Variants in IMMT observed in about 807,000 individuals in gnomAD.
IMMT encodes MICOS complex subunit MIC60.
In IMMT, 40 loss-of-function variants were observed where a neutral mutation model predicts 92.7. That is an observed-to-expected ratio of 0.43 (90% CI 0.34 to 0.56). The LOEUF is 0.56. IMMT is among the 20% of genes least tolerant of loss of function. The pLI is 0.03. For synonymous variants in IMMT, 322 were observed against 336.1 expected (o/e 0.96, Z 0.46); for missense variants, 831 against 912.1 (o/e 0.91, Z 1.14).
chr2:86,145,821 C>T (rs564388382), intron 14 of IMMT, among the ~76,000 whole-genome samples: 15 of 152,028 alleles, frequency 9.9e-5, no homozygotes, highest in East Asian at 1.9e-4. Flanking sequence ...CAGGCACATG[C>T]GACATAGCCA....
At chr2:86,186,831 A>G (rs981793725) in intron 1 of IMMT, among the ~76,000 whole-genome samples, 3 of 152,214 alleles carry the variant, frequency 2.0e-5, no homozygotes, top group African/African-American at 7.2e-5. Context: ...TGTAACTCAT[A>G]AGAACAGATC....
intron 8 of IMMT, among the ~76,000 whole-genome samples, chr2:86,161,067 C>T (rs187504872): frequency 9.0e-5 from 13 of 144,988 alleles, no homozygotes; most frequent in African/African-American, 3.1e-4. Context: ...CCCTGCACTA[C>T]GGCATGGGCA....
At chr2:86,179,926 C>CA (rs1672305364) in intron 2 of IMMT, among the ~76,000 whole-genome samples, 2 of 95,660 alleles carry the variant, frequency 2.1e-5, no homozygotes, top group African/African-American at 4.6e-5. Context: ...CCACACCCTG[C>CA]CAAAAAAATT....
chr2:86,171,346 CTATAAA>C lies in IMMT; in HGVS notation c.422-7_422-2del. ...ATAATTTGAGCCGCTTCTGTAGGTG[CTATAAA>C]TATATGTTACTCATGGTATTTATAC... On this transcript the variant is annotated splice_acceptor_variant and splice_polypyrimidine_tract_variant and intron_variant, in intron 4 of 14. Coordinates refer to ENST00000410111, the MANE Select transcript of IMMT (RefSeq NM_006839.3). LOFTEE classifies it high-confidence loss of function. The C allele has an allele frequency of 1.2e-6, 2 of 1,609,488 alleles. No individual in the cohort carries two copies. Among genetic ancestry groups the C allele is most frequent in the Non-Finnish European group, 1.7e-6 (2 of 1,177,510 alleles).
rs771337004 is a variant in IMMT at position 86,144,225 on chromosome 2, T to G, written c.*43A>C. 6.2e-7 allele frequency: 1 copy of G among 1,604,164 alleles called. No individual in the cohort carries two copies. The highest frequency in any genetic ancestry group is 1.1e-5 in the South Asian group (1 of 90,044). ...AACCCTTCATCTATCACTGCTGATT[T>G]CCTTTGACATGAAATATGACTTTAT... On this transcript the variant is annotated 3_prime_UTR_variant, in exon 15 of 15. Coordinates refer to ENST00000410111, the MANE Select transcript of IMMT (RefSeq NM_006839.3).
intron 10 of IMMT, among the ~76,000 whole-genome samples, chr2:86,157,592 C>G (rs911809859): frequency 1.3e-5 from 2 of 151,968 alleles, no homozygotes; most frequent in Admixed American, 1.3e-4. Flanking sequence ...TCAAAACCAG[C>G]CTGGCCAAAA....
intron 12 of IMMT, 61 bp downstream of exon 12, chr2:86,151,236 C>T: frequency 7.2e-7 from 1 of 1,381,152 alleles, no homozygotes; most frequent in South Asian, 1.2e-5. Context: ...ATTATTTCTA[C>T]AAGTAAACAA....
At chr2:86,168,724 A>G (rs917376171) in intron 6 of IMMT, among the ~76,000 whole-genome samples, 1 of 152,226 alleles carries the variant, frequency 6.6e-6, no homozygotes, top group Non-Finnish European at 1.5e-5. Context: ...AGCATAAACT[A>G]GCAATGAACA....
At chr2:86,175,637 T>C (rs954968280) in intron 3 of IMMT, among the ~76,000 whole-genome samples, 29 of 151,886 alleles carry the variant, frequency 1.9e-4, no homozygotes, top group Admixed American at 1.9e-3. Flanking sequence ...TAACAAATCA[T>C]GTTGCCACTA....
intron 7 of IMMT, among the ~76,000 whole-genome samples, chr2:86,165,872 TA>T (rs1676639815): frequency 6.6e-6 from 1 of 152,198 alleles, no homozygotes; most frequent in Non-Finnish European, 1.5e-5. Context: ...CCTATGGAAA[TA>T]GCAATTTTAA....
At chr2:86,147,956 C>G (rs1675152844) in intron 12 of IMMT, 123 bp from the exon 13 acceptor site, 1 of 853,410 alleles carries the variant, frequency 1.2e-6, no homozygotes, top group Admixed American at 2.4e-5. Context: ...TCTAATGTGC[C>G]AGGCATGTGT....
rs764491250 is a variant in IMMT, at chr2:86,166,687, C to T, written c.656-43G>A. 2.0e-6 allele frequency: 3 copies of T among 1,530,322 alleles called. No homozygotes were observed. In the South Asian group the frequency reaches 3.7e-5, roughly 19 times the overall value. The allele number at this position is 1,530,322 out of a possible 1,614,324, so 94.8% of individuals were successfully genotyped here. Reference sequence around the variant, plus strand: ...ACAGTTAAAAAACAAATCCTACCCCCATAAATGACTTTAAACTTTTGCTGT... The same window carrying T: ...ACAGTTAAAAAACAAATCCTACCCCTATAAATGACTTTAAACTTTTGCTGT... On this transcript the variant is annotated intron_variant, in intron 6 of 14. Transcript: ENST00000410111.
At chr2:86,170,052 A>G (rs1444658663) in intron 6 of IMMT, among the ~76,000 whole-genome samples, 2 of 152,156 alleles carry the variant, frequency 1.3e-5, no homozygotes, top group Non-Finnish European at 2.9e-5. Context: ...AGCCATTCTG[A>G]CTCCAACAAA....
intron 6 of IMMT, among the ~76,000 whole-genome samples, chr2:86,168,725 G>T (rs950187377): frequency 2.0e-5 from 3 of 152,140 alleles, no homozygotes; most frequent in Non-Finnish European, 4.4e-5. Context: ...GCATAAACTA[G>T]CAATGAACAA....
chr2:86,156,593 C>CAAAAAAA (rs57252871), intron 10 of IMMT, among the ~76,000 whole-genome samples: 968 of 44,604 alleles, frequency 0.022, 18 homozygotes, highest in African/African-American at 0.076. Flanking sequence ...GACTCCATCT[C>CAAAAAAA]AAAAAAAAAA....
intron 4 of IMMT, among the ~76,000 whole-genome samples, chr2:86,173,245 G>C (rs533951877): frequency 4.6e-5 from 7 of 152,232 alleles, no homozygotes; most frequent in Non-Finnish European, 7.3e-5. Context: ...GCAGGGACTA[G>C]AGCAAGACAC....
At chr2:86,177,307 T>C (rs953965117) in intron 3 of IMMT, among the ~76,000 whole-genome samples, 1 of 151,968 alleles carries the variant, frequency 6.6e-6, no homozygotes, top group African/African-American at 2.4e-5. Context: ...GATTAGAGTT[T>C]AAAAATTTTT....
intron 3 of IMMT, among the ~76,000 whole-genome samples, chr2:86,176,106 T>A (rs371621887): frequency 6.6e-6 from 1 of 152,320 alleles, no homozygotes. Flanking sequence ...GCCAAGGGTA[T>A]TGAATGTCAA....
chr2:86,163,568 T>C (rs1207245572), intron 7 of IMMT, among the ~76,000 whole-genome samples: 1 of 152,170 alleles, frequency 6.6e-6, no homozygotes, highest in Admixed American at 6.5e-5. Flanking sequence ...AAAATAAAGA[T>C]GTTTCCCTCC....
Sources: gnomAD v4.1 joint callset for allele counts (sites outside exome capture counted in the v4.1 genomes callset) on GRCh38, gnomAD v4.1.1 for gene constraint, MANE v1.5 for transcripts, NCBI Gene and HGNC (gene_info 2026-07-23, HGNC 2026-07-21) for gene names.